Variants in SHISA9 observed in about 807,000 individuals in gnomAD.
SHISA9 encodes the protein shisa family member 9, also known as protein shisa-9.
In SHISA9, 13 loss-of-function variants were observed where a neutral mutation model predicts 38.0. The ratio of observed to expected loss-of-function variants is 0.34; its 90% CI spans 0.22 to 0.54. SHISA9 has a LOEUF of 0.54. SHISA9 is among the 20% of genes least tolerant of loss of function. SHISA9 has a pLI of 0.91. For missense variants in SHISA9, 538 were observed against 575.8 expected, an observed-to-expected ratio of 0.93 and a Z score of 0.67; for synonymous variants, 275 against 242.0, an observed-to-expected ratio of 1.14 and a Z score of -1.27.
chr16:13,408,862 C>A, the SHISA9 span, among the ~76,000 whole-genome samples: 6 of 152,186 alleles, frequency 3.9e-5, no homozygotes, highest in East Asian at 1.2e-3. Context: ...GTAATACAGA[C>A]AGGAGACAGG....
At chr16:13,095,789 A>G (rs2073819498) in intron 2 of SHISA9, among the ~76,000 whole-genome samples, 1 of 152,250 alleles carries the variant, frequency 6.6e-6, no homozygotes, top group Non-Finnish European at 1.5e-5. Flanking sequence ...GAATGGGTTT[A>G]TACAGCAAGG....
chr16:13,301,312 G>T, the SHISA9 span, among the ~76,000 whole-genome samples: 1 of 152,212 alleles, frequency 6.6e-6, no homozygotes, highest in African/African-American at 2.4e-5. Flanking sequence ...ATGTGCAGAA[G>T]AACCACTTGG....
At position 12,901,980 on chromosome 16, in the gene SHISA9, C is replaced by A; in HGVS notation, c.-85C>A. ...GGCGGCTCGCAGCTCCCGGCAGCAG[C>A]CTCGGCAGCTTCGGCCGCGCCTCGA... On this transcript the variant is annotated 5_prime_UTR_variant, in exon 1 of 5. Coordinates refer to ENST00000558583, the MANE Select transcript of SHISA9 (RefSeq NM_001145204.3). 8.3e-7 allele frequency: 1 copy of A among 1,198,280 alleles called. No homozygotes were observed. The highest frequency in any genetic ancestry group is 1.1e-6 in the Non-Finnish European group (1 of 934,488). 74.2% of individuals were successfully genotyped at this position (1,198,280 alleles called of 1,614,324 possible). A position where few individuals can be genotyped will look rare whatever the true frequency, so the allele number is the denominator to read the frequency against.
intron 2 of SHISA9, among the ~76,000 whole-genome samples, chr16:13,014,692 T>A (rs1010669300): frequency 1.3e-5 from 2 of 152,196 alleles, no homozygotes; most frequent in Admixed American, 6.5e-5. Context: ...CTGGGAGGAA[T>A]TCTGAGCCGG....
At chr16:13,504,462 C>G in the SHISA9 span, among the ~76,000 whole-genome samples, 1 of 151,960 alleles carries the variant, frequency 6.6e-6, no homozygotes, top group East Asian at 1.9e-4. Context: ...GAAGCCAAAG[C>G]CAAAAATAAT....
downstream of SHISA9, among the ~76,000 whole-genome samples, chr16:13,244,219 A>C (rs1360587165): frequency 6.6e-6 from 1 of 152,178 alleles, no homozygotes; most frequent in Non-Finnish European, 1.5e-5. Context: ...TACAAAAAAA[A>C]CCCATTATCT....
chr16:13,173,759 A>G (rs2050708771), intron 2 of SHISA9, among the ~76,000 whole-genome samples: 1 of 152,174 alleles, frequency 6.6e-6, no homozygotes, highest in South Asian at 2.1e-4. Flanking sequence ...AATGGAGAAG[A>G]CAAATGAAAA....
At chr16:12,985,237 ATAAG>A (rs1197932861) in intron 2 of SHISA9, among the ~76,000 whole-genome samples, 12 of 129,850 alleles carry the variant, frequency 9.2e-5, no homozygotes, top group African/African-American at 3.6e-4. Context: ...AAATAAATAA[ATAAG>A]TAAATAAATA....
Position 13,235,496 on chromosome 16 carries a change from T to G in SHISA9, c.*87T>G, listed in dbSNP as rs1428471382. The G allele has an allele frequency of 2.2e-6, 3 of 1,394,516 alleles. No individual in the cohort carries two copies. The highest frequency in any genetic ancestry group is 2.8e-6 in the Non-Finnish European group (3 of 1,055,808). The allele number at this position is 1,394,516 out of a possible 1,614,324, so 86.4% of individuals were successfully genotyped here. On this transcript the variant is annotated 3_prime_UTR_variant, in exon 5 of 5. Coordinates refer to ENST00000558583, the MANE Select transcript of SHISA9 (RefSeq NM_001145204.3). Reference sequence around the variant, plus strand: ...CGCCCACACCCTCCCCATCCTCCCCTAATACATGCGTCCACACACTCACTC... The same window carrying G: ...CGCCCACACCCTCCCCATCCTCCCCGAATACATGCGTCCACACACTCACTC...
At chr16:13,485,795 G>C in the SHISA9 span, among the ~76,000 whole-genome samples, 1 of 152,080 alleles carries the variant, frequency 6.6e-6, no homozygotes, top group African/African-American at 2.4e-5. Flanking sequence ...TCTCCACACT[G>C]CCTTTTCTTC....
intron 2 of SHISA9, among the ~76,000 whole-genome samples, chr16:12,922,038 A>T (rs2071335424): frequency 6.6e-6 from 1 of 152,206 alleles, no homozygotes; most frequent in Non-Finnish European, 1.5e-5. Context: ...CTTAGTGGTG[A>T]CACTGGGATT....
At chr16:13,510,142 C>T in the SHISA9 span, among the ~76,000 whole-genome samples, 1 of 152,064 alleles carries the variant, frequency 6.6e-6, no homozygotes, top group Non-Finnish European at 1.5e-5. Flanking sequence ...CCCGTCTCTA[C>T]TAAAAATGCA....
intron 2 of SHISA9, among the ~76,000 whole-genome samples, chr16:13,092,557 A>G (rs896082598): frequency 1.3e-4 from 20 of 152,248 alleles, no homozygotes; most frequent in Admixed American, 1.0e-3. Context: ...CCAGGCTGCC[A>G]CCTCACATTT....
chr16:13,321,482 G>A, the SHISA9 span, among the ~76,000 whole-genome samples: 7 of 152,128 alleles, frequency 4.6e-5, no homozygotes, highest in Admixed American at 4.6e-4. Context: ...TTAAAATACA[G>A]CCACCCTTGG....
chr16:13,289,086 A>T, the SHISA9 span, among the ~76,000 whole-genome samples: 2 of 152,134 alleles, frequency 1.3e-5, no homozygotes, highest in East Asian at 3.9e-4. Context: ...GAGGCTGCGG[A>T]TGAGTTAAGG....
chr16:13,085,954 G>T (rs547159015), intron 2 of SHISA9, among the ~76,000 whole-genome samples: 7 of 151,996 alleles, frequency 4.6e-5, no homozygotes, highest in African/African-American at 1.2e-4. Flanking sequence ...TGATCAAAGA[G>T]AATTTTTTTA....
intron 2 of SHISA9, among the ~76,000 whole-genome samples, chr16:13,126,961 G>C (rs2050264139): frequency 6.7e-6 from 1 of 148,618 alleles, no homozygotes; most frequent in South Asian, 2.2e-4. Flanking sequence ...GAAGGAAAGA[G>C]AGAGAATGAG....
chr16:13,154,841 A>G (rs1289639357), intron 2 of SHISA9, among the ~76,000 whole-genome samples: 31 of 152,202 alleles, frequency 2.0e-4, no homozygotes, highest in Admixed American at 2.0e-3. Context: ...AGCTTTTGAA[A>G]GCAGACACGG....
At chr16:13,331,831 A>G in the SHISA9 span, 1 of 152,168 alleles carries the variant, frequency 6.6e-6, no homozygotes, top group South Asian at 2.1e-4. Context: ...GGAAACCATA[A>G]TAATACTTAC....
Sources: gnomAD v4.1 joint callset for allele counts (sites outside exome capture counted in the v4.1 genomes callset) on GRCh38, gnomAD v4.1.1 for gene constraint, MANE v1.5 for transcripts, NCBI Gene and HGNC (gene_info 2026-07-23, HGNC 2026-07-21) for gene names.